Variants in RBM33 observed in about 807,000 individuals in gnomAD.
The protein encoded by RBM33 is RNA-binding protein 33.
In RBM33, 28 loss-of-function variants were observed where a neutral mutation model predicts 132.6. The observed-to-expected ratio is 0.21, with a 90% CI of 0.16 to 0.29. The LOEUF is 0.29. Among genes scored for constraint, RBM33 ranks in the 10% least tolerant of loss-of-function variants. The pLI, the probability that RBM33 is intolerant of heterozygous loss-of-function variation, is 1.00. For missense variants in RBM33, 1,291 were observed against 1,518.5 expected, an observed-to-expected ratio of 0.85 and a Z score of 2.49; for synonymous variants, 634 against 593.0, an observed-to-expected ratio of 1.07 and a Z score of -1.01.
intron 10 of RBM33, 109 bp downstream of exon 10, chr7:155,737,771 G>GA (rs1374301523): frequency 7.9e-7 from 1 of 1,259,704 alleles, no homozygotes; most frequent in African/African-American, 1.5e-5. Context: ...GAGATGTTAG[G>GA]AATGCCAGGT....
chr7:155,696,886 A>G (rs1309041169), intron 5 of RBM33, among the ~76,000 whole-genome samples: 3 of 152,134 alleles, frequency 2.0e-5, no homozygotes. Flanking sequence ...CTGGCCGAGT[A>G]TGCTGTATGA....
At chr7:155,682,895 A>G (rs1028400379) in intron 5 of RBM33, among the ~76,000 whole-genome samples, 3 of 152,194 alleles carry the variant, frequency 2.0e-5, no homozygotes, top group Admixed American at 2.0e-4. Context: ...TTAATTATCC[A>G]ACATCTTGTG....
chr7:155,757,116 T>G (rs1024678411), intron 14 of RBM33, among the ~76,000 whole-genome samples: 8 of 151,386 alleles, frequency 5.3e-5, no homozygotes, highest in Non-Finnish European at 1.0e-4. Context: ...ACTAATAAAG[T>G]AAAATTTGAA....
At chr7:155,693,598 C>G (rs996746501) in intron 5 of RBM33, among the ~76,000 whole-genome samples, 2 of 150,558 alleles carry the variant, frequency 1.3e-5, no homozygotes, top group African/African-American at 4.8e-5. Context: ...TTTTAGTTTA[C>G]TTTGTTTATG....
intron 7 of RBM33, among the ~76,000 whole-genome samples, chr7:155,708,105 A>G (rs1296861919): frequency 6.6e-6 from 1 of 152,268 alleles, no homozygotes; most frequent in African/African-American, 2.4e-5. Context: ...AGAAAACGAC[A>G]TTTCACTTCT....
intron 9 of RBM33, among the ~76,000 whole-genome samples, chr7:155,736,531 T>C (rs1438622122): frequency 6.6e-6 from 1 of 152,208 alleles, no homozygotes; most frequent in Non-Finnish European, 1.5e-5. Flanking sequence ...AGGAAGTAAT[T>C]TTAATTTGTC....
At chr7:155,645,583 T>C (rs544148816) in intron 1 of RBM33, among the ~76,000 whole-genome samples, 2 of 152,348 alleles carry the variant, frequency 1.3e-5, no homozygotes, top group Non-Finnish European at 2.9e-5. Flanking sequence ...TTTTTCTTGT[T>C]TGCAAGCATA....
At chr7:155,682,273 A>G (rs191372321) in intron 5 of RBM33, among the ~76,000 whole-genome samples, 170 of 152,248 alleles carry the variant, frequency 1.1e-3, no homozygotes, top group African/African-American at 4.0e-3. Flanking sequence ...TCTTTGGTAG[A>G]TACAGTAATG....
intron 14 of RBM33, among the ~76,000 whole-genome samples, chr7:155,749,321 T>C (rs1363021522): frequency 6.6e-6 from 1 of 152,184 alleles, no homozygotes; most frequent in Admixed American, 6.5e-5. Flanking sequence ...ATTGAGTGTT[T>C]AGCATGTACT....
chr7:155,706,446 A>G (rs1030778015), intron 6 of RBM33, among the ~76,000 whole-genome samples: 1 of 151,766 alleles, frequency 6.6e-6, no homozygotes, highest in Non-Finnish European at 1.5e-5. Flanking sequence ...GCGAGCAGAG[A>G]TCACGCCACT....
At chr7:155,766,421 A>C (rs940870114) in intron 15 of RBM33, 46 bp from the exon 16 acceptor site, 1 of 1,595,572 alleles carries the variant, frequency 6.3e-7, no homozygotes, top group Non-Finnish European at 8.5e-7. Context: ...ACTATCGAAG[A>C]AGCTCAGGCT....
At position 155,779,104 on chromosome 7, in the gene RBM33, C is replaced by G. The variant is rs1247896689; in HGVS notation, c.*4063C>G. The G allele has an allele frequency of 6.6e-6, 1 of 152,082 alleles. No individual in the cohort carries two copies. Among genetic ancestry groups the G allele is most frequent in the East Asian group, 1.9e-4 (1 of 5,184 alleles). 9.4% of individuals were successfully genotyped at this position (152,082 alleles called of 1,614,324 possible). ...TCCTGGGATTCGTTTTTTTATTACC[C>G]TCCCTCCCTACTTGTAGGCCTCAGC... On this transcript the variant is annotated 3_prime_UTR_variant, in exon 18 of 18. Transcript: ENST00000401878.
Position 155,739,833 on chromosome 7 carries a change from A to ACCAGCC in RBM33, c.1859_1864dup (p.Gln620_Pro621dup), listed in dbSNP as rs1330614605. ...CCCCCGCACCAGCCCCCGCCCCAGC[A>ACCAGCC]CCAGCCCCCACCCCAGCACCCACCA... is the stretch of plus-strand genomic sequence containing the variant. On this transcript the variant is annotated inframe_insertion, in exon 12 of 18. Coordinates refer to ENST00000401878, the MANE Select transcript of RBM33 (RefSeq NM_053043.3). The ACCAGCC allele has an allele frequency of 1.1e-5, 4 of 350,792 alleles. No individual in the cohort carries two copies. The highest frequency in any genetic ancestry group is 9.7e-5 in the Admixed American group (2 of 20,530). 21.7% of individuals were successfully genotyped at this position (350,792 alleles called of 1,614,324 possible).
chr7:155,711,393 A>T lies in RBM33; in HGVS notation c.1139A>T (p.Gln380Leu), dbSNP rs368289767. Residue 380 changes from glutamine (Q) to leucine (L), a missense_variant, in exon 8 of 18, where the codon CAG becomes CTG. Physicochemically the swap from Gln to Leu is moderately radical, Grantham distance 113. Transcript: ENST00000401878. ...MMMTPPPVTP[Q>L]QPKNIHINPH... ...ATGACCCCGCCACCCGTGACTCCAC[A>T]GCAGCCCAAGAACATACACATCAAC... The T allele has an allele frequency of 5.7e-6, 9 of 1,572,082 alleles. No individual in the cohort carries two copies. In the African/African-American group the frequency reaches 1.2e-4, roughly 22 times the overall value.
chr7:155,670,895 G>GA (rs1167067778), intron 2 of RBM33, among the ~76,000 whole-genome samples: 1 of 152,128 alleles, frequency 6.6e-6, no homozygotes, highest in Non-Finnish European at 1.5e-5. Context: ...TTTTCGTTGA[G>GA]AAAAAATAAG....
At chr7:155,715,531 C>T (rs1005784749) in intron 8 of RBM33, among the ~76,000 whole-genome samples, 3 of 152,134 alleles carry the variant, frequency 2.0e-5, no homozygotes, top group African/African-American at 4.8e-5. Flanking sequence ...CCAAAGCGCA[C>T]GTGTGATTTA....
chr7:155,652,359 A>G (rs984543), intron 1 of RBM33, among the ~76,000 whole-genome samples: 125,484 of 152,242 alleles, frequency 0.82, 52,241 homozygotes, highest in African/African-American at 0.93. Context: ...GCTGTGTTCC[A>G]TTAAAAGCTT....
chr7:155,748,494 T>A (rs1801591011), intron 14 of RBM33, among the ~76,000 whole-genome samples: 1 of 152,252 alleles, frequency 6.6e-6, no homozygotes, highest in South Asian at 2.1e-4. Context: ...CTTACTATGA[T>A]ATACAATTTA....
intron 14 of RBM33, among the ~76,000 whole-genome samples, chr7:155,761,657 ATCT>A (rs1174181108): frequency 6.6e-6 from 1 of 151,980 alleles, no homozygotes; most frequent in Non-Finnish European, 1.5e-5. Flanking sequence ...TTGGTAATTC[ATCT>A]TCTTTCCTTT....
Sources: allele counts gnomAD v4.1 joint callset (sites outside exome capture counted in the v4.1 genomes callset), GRCh38; gene constraint gnomAD v4.1.1; transcripts MANE v1.5; gene names NCBI Gene and HGNC (gene_info 2026-07-23, HGNC 2026-07-21).